Variants in LUZP2 observed in about 807,000 individuals in gnomAD.
LUZP2 encodes leucine zipper protein 2.
Under a neutral mutation model 51.6 loss-of-function variants are expected in LUZP2, and 52 were observed. The ratio of observed to expected loss-of-function variants is 1.01; its 90% CI spans 0.81 to 1.27. The LOEUF (loss-of-function observed/expected upper bound fraction) is 1.27. Among genes scored for constraint, LUZP2 ranks in the 50% most tolerant of loss-of-function variants. LUZP2 has a pLI of 0.00. For synonymous variants in LUZP2, 154 were observed against 137.3 expected, an observed-to-expected ratio of 1.12 and a Z score of -0.85; for missense variants, 436 against 395.4, an observed-to-expected ratio of 1.10 and a Z score of -0.87.
chr11:24,995,878 G>C (rs1856480189), intron 9 of LUZP2, among the ~76,000 whole-genome samples: 1 of 151,702 alleles, frequency 6.6e-6, no homozygotes, highest in Non-Finnish European at 1.5e-5. Context: ...TGATAAGGGA[G>C]AAAAAAGTCA....
rs79794407 is a variant in LUZP2, at chr11:24,813,185, A to G, written c.396+49877A>G. On this transcript the variant is annotated intron_variant, in intron 5 of 11. Coordinates refer to ENST00000336930, the MANE Select transcript of LUZP2 (RefSeq NM_001009909.4). ...CTGATCTCCTGAACAAGAGTCTTAT[A>G]ATTCCCTATTCTTTCCTCAGTATGC... Among the ~76,000 whole-genome samples the G allele has an allele frequency of 7.5e-3, 1,141 of 152,244 alleles. 12 individuals are homozygous for G. The highest frequency in any genetic ancestry group is 0.025 in the African/African-American group (1,018 of 41,526).
chr11:25,009,073 T>C (rs965735536), intron 9 of LUZP2, among the ~76,000 whole-genome samples: 3 of 152,126 alleles, frequency 2.0e-5, no homozygotes, highest in Non-Finnish European at 4.4e-5. Flanking sequence ...TACAAAAAGG[T>C]AAAAACTTTT....
At chr11:24,839,530 A>G (rs1850959900) in intron 5 of LUZP2, among the ~76,000 whole-genome samples, 1 of 151,736 alleles carries the variant, frequency 6.6e-6, no homozygotes, top group Non-Finnish European at 1.5e-5. Flanking sequence ...GTACTTTAGT[A>G]CAATTCAATA....
intron 9 of LUZP2, among the ~76,000 whole-genome samples, chr11:25,048,963 C>CT (rs1489733863): frequency 6.6e-6 from 1 of 151,810 alleles, no homozygotes; most frequent in Non-Finnish European, 1.5e-5. Context: ...TATTCATGTT[C>CT]TTTTTTACAT....
chr11:25,035,932 G>C (rs1181343642), intron 9 of LUZP2, among the ~76,000 whole-genome samples: 1 of 151,950 alleles, frequency 6.6e-6, no homozygotes, highest in Non-Finnish European at 1.5e-5. Context: ...ATTTTTTGTT[G>C]TCATTGTGTC....
chr11:25,078,366 T>C (rs540449778), intron 11 of LUZP2, among the ~76,000 whole-genome samples, 188 bp from the exon 12 acceptor site: 29 of 152,356 alleles, frequency 1.9e-4, no homozygotes, highest in African/African-American at 6.7e-4. Context: ...GGCAAAATAT[T>C]GTTATGTACT....
chr11:24,510,664 G>A (rs376248898), intron 1 of LUZP2, among the ~76,000 whole-genome samples: 29 of 151,960 alleles, frequency 1.9e-4, no homozygotes, highest in Admixed American at 3.9e-4. Flanking sequence ...ATATATATAC[G>A]TATACCACAT....
intron 1 of LUZP2, among the ~76,000 whole-genome samples, chr11:24,504,551 T>A (rs1850094171): frequency 6.6e-6 from 1 of 152,166 alleles, no homozygotes; most frequent in African/African-American, 2.4e-5. Flanking sequence ...CCATTAAAAT[T>A]AAATAAAATG....
chr11:24,731,356 C>T (rs567592611), intron 2 of LUZP2, among the ~76,000 whole-genome samples: 1 of 90,486 alleles, frequency 1.1e-5, no homozygotes, highest in South Asian at 2.5e-4. Context: ...AATATTCTTG[C>T]CTCTTAGTTT....
intron 5 of LUZP2, among the ~76,000 whole-genome samples, chr11:24,810,182 G>A (rs529291278): frequency 4.6e-5 from 7 of 152,174 alleles, no homozygotes; most frequent in African/African-American, 1.4e-4. Context: ...ACCTGAGGAA[G>A]TCAAAGAAGA....
intron 1 of LUZP2, among the ~76,000 whole-genome samples, chr11:24,653,674 C>G (rs1337306314): frequency 6.6e-6 from 1 of 152,058 alleles, no homozygotes; most frequent in Non-Finnish European, 1.5e-5. Flanking sequence ...TCCTACTGCA[C>G]CTACCGCTGG....
intron 5 of LUZP2, among the ~76,000 whole-genome samples, chr11:24,861,414 C>G (rs543921388): frequency 6.6e-6 from 1 of 152,286 alleles, no homozygotes; most frequent in East Asian, 1.9e-4. Flanking sequence ...AGAATGCAAA[C>G]AAGCTAGGAA....
chr11:24,963,253 A>T (rs1040949027), intron 7 of LUZP2, among the ~76,000 whole-genome samples: 4 of 152,306 alleles, frequency 2.6e-5, no homozygotes, highest in African/African-American at 4.8e-5. Context: ...CGGTTCTCAG[A>T]TCTCCAGCTG....
At chr11:24,925,814 G>A (rs1329206178) in intron 7 of LUZP2, among the ~76,000 whole-genome samples, 2 of 151,984 alleles carry the variant, frequency 1.3e-5, no homozygotes, top group Non-Finnish European at 1.5e-5. Context: ...TGTTAGTGGT[G>A]ATTTCTGAGA....
chr11:25,071,867 C>G (rs1454769492), intron 10 of LUZP2, among the ~76,000 whole-genome samples: 1 of 151,354 alleles, frequency 6.6e-6, no homozygotes, highest in Non-Finnish European at 1.5e-5. Flanking sequence ...ATAAATAAAT[C>G]ACACATGATG....
intron 5 of LUZP2, among the ~76,000 whole-genome samples, chr11:24,774,362 C>CTATATATATATA (rs1554989374): frequency 1.0e-4 from 8 of 76,342 alleles, no homozygotes; most frequent in African/African-American, 4.8e-4. Context: ...CTCTCTCTCT[C>CTATATATATATA]TATATATATA....
chr11:24,553,187 T>C (rs997830315), intron 1 of LUZP2, among the ~76,000 whole-genome samples: 5 of 151,788 alleles, frequency 3.3e-5, no homozygotes, highest in African/African-American at 4.8e-5. Context: ...CACATTTCTG[T>C]GCGTGTTGAA....
At chr11:24,511,610 C>T (rs1301375399) in intron 1 of LUZP2, among the ~76,000 whole-genome samples, 1 of 151,986 alleles carries the variant, frequency 6.6e-6, no homozygotes, top group African/African-American at 2.4e-5. Context: ...AAAATAATAT[C>T]AGTAAATGGT....
At chr11:24,982,757 A>T (rs1037239104) in intron 8 of LUZP2, among the ~76,000 whole-genome samples, 2 of 151,880 alleles carry the variant, frequency 1.3e-5, no homozygotes, top group South Asian at 4.1e-4. Context: ...ATGTCCCCAA[A>T]CCTAAAATAA....
Sources: allele counts gnomAD v4.1 joint callset (sites outside exome capture counted in the v4.1 genomes callset), GRCh38; gene constraint gnomAD v4.1.1; transcripts MANE v1.5; gene names NCBI Gene and HGNC (gene_info 2026-07-23, HGNC 2026-07-21).